KCNU1: variants seen among roughly 807,000 people sequenced by gnomAD.
KCNU1 encodes potassium channel subfamily U member 1.
In KCNU1, 93 loss-of-function variants were observed where a neutral mutation model predicts 126.8. That is an observed-to-expected ratio of 0.73 (90% CI 0.62 to 0.87). The LOEUF (loss-of-function observed/expected upper bound fraction) is 0.87. Ranked by LOEUF, KCNU1 falls within the 40% of genes least tolerant of loss-of-function variation. KCNU1 has a pLI of 0.00. For missense variants in KCNU1, 1,330 were observed against 1,367.1 expected, an observed-to-expected ratio of 0.97 and a Z score of 0.43; for synonymous variants, 523 against 494.2, an observed-to-expected ratio of 1.06 and a Z score of -0.77.
chr8:36,872,113 T>C (rs1806124594), intron 19 of KCNU1, among the ~76,000 whole-genome samples: 1 of 152,190 alleles, frequency 6.6e-6, no homozygotes, highest in Admixed American at 6.6e-5. Flanking sequence ...ATCATCTTTC[T>C]CAGGGGCTCA....
intron 18 of KCNU1, among the ~76,000 whole-genome samples, chr8:36,850,059 AT>A (rs1280847908): frequency 6.6e-6 from 1 of 152,034 alleles, no homozygotes; most frequent in Non-Finnish European, 1.5e-5. Flanking sequence ...TTTGATCTAA[AT>A]TTTCCTAAAT....
At chr8:36,816,176 C>T (rs1203709266) in intron 9 of KCNU1, among the ~76,000 whole-genome samples, 1 of 152,152 alleles carries the variant, frequency 6.6e-6, no homozygotes, top group Non-Finnish European at 1.5e-5. Context: ...GATTTGCCAG[C>T]ATGAGAAGTT....
intron 18 of KCNU1, among the ~76,000 whole-genome samples, chr8:36,855,998 T>A (rs1805515334): frequency 6.6e-6 from 1 of 152,176 alleles, no homozygotes; most frequent in African/African-American, 2.4e-5. Flanking sequence ...CATTTTGAGG[T>A]TCTGGGTAGA....
chr8:36,817,903 T>C (rs1200852771), intron 10 of KCNU1, 143 bp downstream of exon 10: 4 of 548,540 alleles, frequency 7.3e-6, no homozygotes, highest in African/African-American at 5.7e-5. Context: ...AAAAGAAATC[T>C]TTGACCAAGC....
At position 36,841,028 on chromosome 8, in the gene KCNU1, TCAGTTG is replaced by T. The variant is rs1246532198; in HGVS notation, c.1703+26_1703+31del. 3 of 1,141,632 alleles carry T rather than the reference TCAGTTG, an allele frequency of 2.6e-6. No individual in the cohort carries two copies. The East Asian group carries it at 7.1e-5, about 27-fold the overall frequency. 70.7% of individuals were successfully genotyped at this position (1,141,632 alleles called of 1,614,324 possible). A position where few individuals can be genotyped will look rare whatever the true frequency, so the allele number is the denominator to read the frequency against. ...GGTACCAATAAGTCTGCTCATCTCT[TCAGTTG>T]TTTTTTTTTTTTTTTTTTTTTTCCT... On this transcript the variant is annotated intron_variant, in intron 16 of 26. Coordinates refer to ENST00000399881, the MANE Select transcript of KCNU1 (RefSeq NM_001031836.3).
chr8:36,829,398 T>G (rs541962942), intron 10 of KCNU1, among the ~76,000 whole-genome samples: 1 of 151,966 alleles, frequency 6.6e-6, no homozygotes, highest in South Asian at 2.1e-4. Flanking sequence ...AATTTTAAAT[T>G]TTTTTCGTCA....
At chr8:36,902,721 A>T (rs968730632) in intron 19 of KCNU1, among the ~76,000 whole-genome samples, 7 of 152,042 alleles carry the variant, frequency 4.6e-5, no homozygotes, top group African/African-American at 1.7e-4. Flanking sequence ...TCCTGATGAA[A>T]ATCAAGACCA....
intron 19 of KCNU1, among the ~76,000 whole-genome samples, chr8:36,865,498 G>T (rs1805872790): frequency 6.6e-6 from 1 of 151,832 alleles, no homozygotes; most frequent in South Asian, 2.1e-4. Context: ...GGGCATAGCA[G>T]CTCATGCCTA....
chr8:36,884,251 T>C (rs767404244), intron 19 of KCNU1, among the ~76,000 whole-genome samples: 6 of 152,210 alleles, frequency 3.9e-5, no homozygotes, highest in Admixed American at 1.3e-4. Flanking sequence ...TGATTTTTAA[T>C]GAGGACATTG....
At chr8:36,889,434 G>A (rs1806866346) in intron 19 of KCNU1, 3 of 321,354 alleles carry the variant, frequency 9.3e-6, no homozygotes, top group Non-Finnish European at 1.9e-5. Flanking sequence ...TAATTGTTTT[G>A]ACTCTGACTT....
chr8:36,918,003 A>G (rs1808184460), intron 22 of KCNU1, among the ~76,000 whole-genome samples: 1 of 152,164 alleles, frequency 6.6e-6, no homozygotes, highest in South Asian at 2.1e-4. Flanking sequence ...AGAGGCAGAG[A>G]ATACCTGGAG....
chr8:36,869,833 T>C (rs1008469167), intron 19 of KCNU1, among the ~76,000 whole-genome samples: 1 of 152,130 alleles, frequency 6.6e-6, no homozygotes, highest in Non-Finnish European at 1.5e-5. Flanking sequence ...TGCCGTCATG[T>C]CTCTGGTTCT....
Position 36,910,618 on chromosome 8 carries a change from G to C in KCNU1, c.2332-312G>C, listed in dbSNP as rs371457020. ...TCTCTGAATTTTTTTCCTCATCACT[G>C]TTACCCTGACCCTACTCTCTTCTTC... is the stretch of plus-strand genomic sequence containing the variant. On this transcript the variant is annotated intron_variant, in intron 21 of 26. Coordinates refer to ENST00000399881, the MANE Select transcript of KCNU1 (RefSeq NM_001031836.3). Among the ~76,000 whole-genome samples the C allele has an allele frequency of 9.7e-4, 148 of 152,140 alleles. 1 individual carries two copies. Among genetic ancestry groups the C allele is most frequent in the African/African-American group, 3.5e-3 (145 of 41,522 alleles).
chr8:36,885,116 G>T (rs1806645104), intron 19 of KCNU1, among the ~76,000 whole-genome samples: 1 of 152,124 alleles, frequency 6.6e-6, no homozygotes, highest in Admixed American at 6.5e-5. Context: ...GTGTGGATAA[G>T]GTATAGAATG....
chr8:36,822,460 A>G (rs1459795705), intron 10 of KCNU1, among the ~76,000 whole-genome samples: 1 of 152,070 alleles, frequency 6.6e-6, no homozygotes, highest in African/African-American at 2.4e-5. Flanking sequence ...AGCCCAGTCA[A>G]AACAAGGAAT....
chr8:36,857,809 C>G (rs2117313840), intron 18 of KCNU1, among the ~76,000 whole-genome samples: 1 of 152,046 alleles, frequency 6.6e-6, no homozygotes, highest in African/African-American at 2.4e-5. Context: ...CCACATGCAG[C>G]TAATTTTTGT....
At position 36,845,892 on chromosome 8, in the gene KCNU1, C is replaced by T. The variant is rs1297292423; in HGVS notation, c.1884C>T (p.His628=). Reference sequence around the variant, plus strand: ...GCTGCAAAAGCAGAAGCCGGCAGCACATCACAGGTAATTGCACTTTATTTC... The same window carrying T: ...GCTGCAAAAGCAGAAGCCGGCAGCATATCACAGGTAATTGCACTTTATTTC... ...NCGCKSRSRQ[H]ITVPSVKRMK... Residue 628 remains histidine (H), a synonymous_variant, in exon 18 of 27, where the codon CAC becomes CAT. Coordinates refer to ENST00000399881, the MANE Select transcript of KCNU1 (RefSeq NM_001031836.3). 1.9e-6 allele frequency: 3 copies of T among 1,585,440 alleles called. No individual in the cohort carries two copies. The highest frequency in any genetic ancestry group is 2.6e-6 in the Non-Finnish European group (3 of 1,160,942).
At chr8:36,855,497 C>T (rs1805496959) in intron 18 of KCNU1, among the ~76,000 whole-genome samples, 1 of 152,092 alleles carries the variant, frequency 6.6e-6, no homozygotes, top group Non-Finnish European at 1.5e-5. Context: ...CTGCTGTACT[C>T]CCTCTAGTGC....
intron 19 of KCNU1, among the ~76,000 whole-genome samples, chr8:36,880,200 A>G (rs1279056948): frequency 6.6e-6 from 1 of 152,144 alleles, no homozygotes; most frequent in Non-Finnish European, 1.5e-5. Flanking sequence ...ATGTTACATT[A>G]TTGCTTATAG....
Sources: allele counts gnomAD v4.1 joint callset (sites outside exome capture counted in the v4.1 genomes callset), GRCh38; gene constraint gnomAD v4.1.1; transcripts MANE v1.5; gene names NCBI Gene and HGNC (gene_info 2026-07-23, HGNC 2026-07-21).